Variants in BLTP3B observed in about 807,000 individuals in gnomAD.
The protein encoded by BLTP3B is UHRF1 (ICBP90) binding protein 1-like.
At chr12:100,118,388 TCAAAACAAAACAAAA>T in the BLTP3B span, among the ~76,000 whole-genome samples, 3 of 151,728 alleles carry the variant, frequency 2.0e-5, no homozygotes, top group Non-Finnish European at 4.4e-5. Context: ...TGAGACCGTC[TCAAAACAAAACAAAA>T]CAAAACAAAA....
At chr12:100,100,192 C>A in the BLTP3B span, among the ~76,000 whole-genome samples, 8 of 151,868 alleles carry the variant, frequency 5.3e-5, no homozygotes, top group African/African-American at 1.9e-4. Context: ...GTAGTCCCAG[C>A]TACTCGGGAG....
chr12:100,095,974 G>A, the BLTP3B span: 16 of 887,820 alleles, frequency 1.8e-5, no homozygotes, highest in South Asian at 4.0e-5. Flanking sequence ...TTTACTGGCC[G>A]GGCACGGTGG....
chr12:100,129,962 T>A, the BLTP3B span, among the ~76,000 whole-genome samples: 352 of 152,354 alleles, frequency 2.3e-3, 1 homozygote, highest in African/African-American at 8.1e-3. Flanking sequence ...ATGTCCTTTT[T>A]CTTCCCCCCC....
chr12:100,097,411 C>T, the BLTP3B span: 4 of 1,613,116 alleles, frequency 2.5e-6, no homozygotes, highest in South Asian at 1.1e-5. Flanking sequence ...GGTTATTAAT[C>T]GAACAGGAGC....
At chr12:100,091,291 C>T in the BLTP3B span, among the ~76,000 whole-genome samples, 1 of 147,352 alleles carries the variant, frequency 6.8e-6, no homozygotes, top group Non-Finnish European at 1.5e-5. Flanking sequence ...CCAGTTCAAG[C>T]GATTCTCCTG....
the BLTP3B span, chr12:100,097,529 T>C: frequency 6.3e-6 from 10 of 1,579,838 alleles, no homozygotes; most frequent in Middle Eastern, 3.4e-4. Context: ...AGAGATTAAC[T>C]TCACTTACTC....
At chr12:100,041,730 C>T in the BLTP3B span, among the ~76,000 whole-genome samples, 3 of 152,070 alleles carry the variant, frequency 2.0e-5, no homozygotes, top group East Asian at 1.9e-4. Context: ...CCACCGCGCC[C>T]GGCCTGCTAT....
At chr12:100,099,455 C>T in the BLTP3B span, among the ~76,000 whole-genome samples, 8 of 151,216 alleles carry the variant, frequency 5.3e-5, no homozygotes, top group South Asian at 2.1e-4. Flanking sequence ...AGCAAGATCC[C>T]TGTCTCCACA....
the BLTP3B span, chr12:100,142,803 C>A: frequency 9.9e-7 from 1 of 1,006,860 alleles, no homozygotes; most frequent in Non-Finnish European, 1.4e-6. Flanking sequence ...CGCCGAGAAC[C>A]CGGAGCATCA....
the BLTP3B span, among the ~76,000 whole-genome samples, chr12:100,088,234 G>A: frequency 6.6e-6 from 1 of 151,942 alleles, no homozygotes; most frequent in Admixed American, 6.6e-5. Context: ...GCTCACCAAA[G>A]TTTGAGAATT....
At chr12:100,123,032 T>C in the BLTP3B span, among the ~76,000 whole-genome samples, 1 of 152,184 alleles carries the variant, frequency 6.6e-6, no homozygotes, top group East Asian at 1.9e-4. Context: ...CTCTGCTCGC[T>C]TCATCCACTT....
the BLTP3B span, among the ~76,000 whole-genome samples, chr12:100,137,693 T>C: frequency 1.2e-4 from 19 of 152,142 alleles, no homozygotes; most frequent in Admixed American, 3.3e-4. Flanking sequence ...TCCTAAACCC[T>C]AGACTTCAAA....
chr12:100,082,927 T>A, the BLTP3B span: 1 of 919,678 alleles, frequency 1.1e-6, no homozygotes. Context: ...AAAGATTTTT[T>A]AAATAAAATG....
At chr12:100,142,078 T>C in the BLTP3B span, among the ~76,000 whole-genome samples, 1 of 151,902 alleles carries the variant, frequency 6.6e-6, no homozygotes, top group African/African-American at 2.4e-5. Context: ...AACGCCAAGG[T>C]GGGAGGAATT....
At chr12:100,058,785 T>C in the BLTP3B span, 4 of 1,613,988 alleles carry the variant, frequency 2.5e-6, no homozygotes, top group Non-Finnish European at 3.4e-6. Flanking sequence ...AAGTGACTCA[T>C]GCAGGAAAAG....
At chr12:100,083,835 G>T in the BLTP3B span, among the ~76,000 whole-genome samples, 1 of 152,054 alleles carries the variant, frequency 6.6e-6, no homozygotes, top group Non-Finnish European at 1.5e-5. Context: ...AAAGTGCTTT[G>T]GTCCACAAGC....
chr12:100,131,918 T>G, the BLTP3B span, among the ~76,000 whole-genome samples: 4 of 152,172 alleles, frequency 2.6e-5, no homozygotes, highest in African/African-American at 9.7e-5. Context: ...GCCTCTTGAG[T>G]AGCTGGGACT....
chr12:100,063,336 T>C, the BLTP3B span, among the ~76,000 whole-genome samples: 1 of 152,152 alleles, frequency 6.6e-6, no homozygotes, highest in Non-Finnish European at 1.5e-5. Context: ...CCTGGTAGAC[T>C]TGCTGGGTGG....
At chr12:100,046,224 G>A in the BLTP3B span, among the ~76,000 whole-genome samples, 1 of 152,064 alleles carries the variant, frequency 6.6e-6, no homozygotes, top group Admixed American at 6.6e-5. Flanking sequence ...TCCCATTACT[G>A]GCTATATACC....
Sources: gnomAD v4.1 joint callset for allele counts (sites outside exome capture counted in the v4.1 genomes callset) on GRCh38, gnomAD v4.1.1 for gene constraint, MANE v1.5 for transcripts, NCBI Gene and HGNC (gene_info 2026-07-23, HGNC 2026-07-21) for gene names.